ACSL1: variants seen among roughly 807,000 people sequenced by gnomAD.
ACSL1 encodes acyl-CoA synthetase long chain family member 1, also known as long-chain-fatty-acid--CoA ligase 1.
ACSL1 carries 41 observed loss-of-function variants against 98.4 expected under a neutral mutation model. That is an observed-to-expected ratio of 0.42 (90% CI 0.32 to 0.54). The LOEUF is 0.54. Ranked by LOEUF, ACSL1 falls within the 20% of genes least tolerant of loss-of-function variation. The probability of loss-of-function intolerance (pLI) is 0.13; values close to 1 mark genes in which losing one functional copy is unlikely to be tolerated. For synonymous variants in ACSL1, 316 were observed against 322.7 expected (o/e 0.98, Z 0.22); for missense variants, 734 against 883.1 (o/e 0.83, Z 2.14).
At chr4:184,759,524 G>A (rs1305887233) in intron 18 of ACSL1, among the ~76,000 whole-genome samples, 1 of 152,116 alleles carries the variant, frequency 6.6e-6, no homozygotes, top group Admixed American at 6.5e-5. Context: ...GTGGGTAGAG[G>A]ATATGAACAG....
intron 18 of ACSL1, 48 bp downstream of exon 18, chr4:184,760,309 C>A: frequency 6.2e-7 from 1 of 1,601,084 alleles, no homozygotes; most frequent in Non-Finnish European, 8.5e-7. Context: ...GAGTACCAGG[C>A]AATGGCAATG....
rs962832350 is a variant in ACSL1, at chr4:184,766,380, G to T, written c.1263+242C>A. Among the ~76,000 whole-genome samples, 26 of 152,176 alleles carry T rather than the reference G, an allele frequency of 1.7e-4. No individual in the cohort carries two copies. Among genetic ancestry groups the T allele is most frequent in the Admixed American group, 1.6e-3 (24 of 15,280 alleles). On this transcript the variant is annotated intron_variant, in intron 13 of 20. Coordinates refer to ENST00000281455, the MANE Select transcript of ACSL1 (RefSeq NM_001995.5). This position sits in a 1 kb window ranked among gnomAD's most constrained non-coding sequence, Gnocchi z 4.8. Reference sequence around the variant, plus strand: ...TTCCGGAAAAACGCAACAAAATGGAGAATGAGAAAGGCTCCACTACCCTGA... The same window carrying T: ...TTCCGGAAAAACGCAACAAAATGGATAATGAGAAAGGCTCCACTACCCTGA...
At chr4:184,815,162 CGAGGGAGGGCTGTCCAGAGAGCT>C in intron 1 of ACSL1, 1 of 453,974 alleles carries the variant, frequency 2.2e-6, no homozygotes. Flanking sequence ...ACCAGGCATC[CGAGGGAGGGCTGTCCAGAGAGCT>C]GAGGGTGGAA....
In ACSL1 at chr4:184,776,989, C is replaced by A. The variant is rs746341288; in HGVS notation, c.478-6G>T. Reference sequence around the variant, plus strand: ...CCTTGTTCAATAATCACCCACTAAACAAACAGTAAAGGTCAGGGAGAGAAA... The same window carrying A: ...CCTTGTTCAATAATCACCCACTAAAAAAACAGTAAAGGTCAGGGAGAGAAA... On this transcript the variant is annotated splice_polypyrimidine_tract_variant and splice_region_variant and intron_variant, in intron 5 of 20. Coordinates refer to ENST00000281455, the MANE Select transcript of ACSL1 (RefSeq NM_001995.5). 3 of 1,613,262 alleles carry A rather than the reference C, an allele frequency of 1.9e-6. No individual in the cohort carries two copies. The highest frequency in any genetic ancestry group is 3.3e-5 in the Admixed American group (2 of 59,992).
At chr4:184,779,976 G>A (rs561077792) in intron 5 of ACSL1, among the ~76,000 whole-genome samples, 16 of 151,832 alleles carry the variant, frequency 1.1e-4, no homozygotes, top group African/African-American at 3.9e-4. Flanking sequence ...GGATTCAAGC[G>A]ATTCTCCTGC....
intron 11 of ACSL1, among the ~76,000 whole-genome samples, chr4:184,769,723 C>A (rs1352851172): frequency 6.6e-6 from 1 of 152,204 alleles, no homozygotes. Context: ...GCAGAGGGCA[C>A]ACAGCTAGAG....
At chr4:184,824,079 A>G (rs187373414) in intron 1 of ACSL1, among the ~76,000 whole-genome samples, 8 of 152,326 alleles carry the variant, frequency 5.3e-5, no homozygotes, top group Non-Finnish European at 1.2e-4. Context: ...CAACAGAGAC[A>G]GGAAGGAAAT....
At chr4:184,783,365 C>A (rs1766654535) in intron 4 of ACSL1, among the ~76,000 whole-genome samples, 1 of 152,168 alleles carries the variant, frequency 6.6e-6, no homozygotes, top group Non-Finnish European at 1.5e-5. Context: ...GTGTTCCTCC[C>A]TACAGCTGCC....
chr4:184,766,634 G>A lies in ACSL1; in HGVS notation c.1251C>T (p.Phe417=). The change falls in exon 13 of 21, where the codon TTC becomes TTT. Residue 417 remains phenylalanine (F), a synonymous_variant. Transcript: ENST00000281455. The surrounding 1 kb of genome is among the most constrained non-coding windows in gnomAD (Gnocchi z 4.8). ...AGTCACGTGTTACCTGTACTTTGTG[G>A]AAGATCAGCCGGTCCCACAGGCTGT... ...RNNSLWDRLI[F]HKVQSSLGGR... 1.2e-6 allele frequency: 2 copies of A among 1,613,926 alleles called. No individual in the cohort carries two copies. Among genetic ancestry groups the A allele is most frequent in the East Asian group, 2.2e-5 (1 of 44,900 alleles).
At chr4:184,811,233 G>A (rs146676580) in intron 1 of ACSL1, among the ~76,000 whole-genome samples, 2 of 151,918 alleles carry the variant, frequency 1.3e-5, no homozygotes, top group African/African-American at 4.8e-5. Context: ...CTCAGCCTCC[G>A]GAGTAGCTGG....
chr4:184,763,477 T>G (rs1432743991), intron 15 of ACSL1, among the ~76,000 whole-genome samples: 1 of 152,232 alleles, frequency 6.6e-6, no homozygotes, highest in East Asian at 1.9e-4. Flanking sequence ...CCAAGTGTGA[T>G]GCTCTGAGTT....
intron 4 of ACSL1, among the ~76,000 whole-genome samples, chr4:184,783,332 A>G (rs1766647243): frequency 6.6e-6 from 1 of 152,214 alleles, no homozygotes; most frequent in South Asian, 2.1e-4. Context: ...ATACAGTAAC[A>G]CAAGTGCCTT....
intron 1 of ACSL1, chr4:184,808,637 G>T: frequency 3.0e-6 from 1 of 332,160 alleles, no homozygotes; most frequent in Non-Finnish European, 4.3e-6. Context: ...GCTTCAGGGA[G>T]GAACAAGAGA....
chr4:184,763,086 T>C lies in ACSL1; in HGVS notation c.1521+81A>G. On this transcript the variant is annotated intron_variant, in intron 16 of 20. Transcript: ENST00000281455. ...AAGTTCAATGGCTTTATTGAGCTGT[T>C]GGGAAATACCACAGCATTCGCAAAG... 5 of 1,418,678 alleles carry C rather than the reference T, an allele frequency of 3.5e-6. No homozygotes were observed. The South Asian group carries it at 6.1e-5, about 17-fold the overall frequency. 87.9% of individuals were successfully genotyped at this position (1,418,678 alleles called of 1,614,324 possible). A position where few individuals can be genotyped will look rare whatever the true frequency, so the allele number is the denominator to read the frequency against.
intron 1 of ACSL1, among the ~76,000 whole-genome samples, chr4:184,821,863 G>A (rs959613915): frequency 2.0e-5 from 3 of 152,142 alleles, no homozygotes; most frequent in Non-Finnish European, 4.4e-5. Context: ...AACAATGTAT[G>A]CTTAAAATTT....
chr4:184,801,766 C>T lies in ACSL1; in HGVS notation c.195+1554G>A, dbSNP rs74447507. On this transcript the variant is annotated intron_variant, in intron 2 of 20. Coordinates refer to ENST00000281455, the MANE Select transcript of ACSL1 (RefSeq NM_001995.5). ...GCAGTAAAATTATAGATTTTCATTTCTTGCTGCATATCTCAAGTTTTAAAC... is the reference window on the plus strand; with the variant it reads ...GCAGTAAAATTATAGATTTTCATTTTTTGCTGCATATCTCAAGTTTTAAAC... Among the ~76,000 whole-genome samples, 145 of 152,288 alleles carry T rather than the reference C, an allele frequency of 9.5e-4. 3 individuals carry two copies. The East Asian group carries it at 0.026, about 27-fold the overall frequency.
intron 11 of ACSL1, chr4:184,770,140 T>C: frequency 1.0e-6 from 1 of 974,016 alleles, no homozygotes; most frequent in Non-Finnish European, 1.5e-6. Flanking sequence ...AATTCCAGTA[T>C]CCTGTTCATA....
intron 3 of ACSL1, among the ~76,000 whole-genome samples, chr4:184,786,428 A>ACACACACACACG (rs1561211006): frequency 2.5e-4 from 31 of 124,250 alleles, no homozygotes; most frequent in African/African-American, 2.3e-4. Context: ...GCACACACAC[A>ACACACACACACG]CACACACACA....
intron 3 of ACSL1, among the ~76,000 whole-genome samples, chr4:184,786,006 G>A (rs1302611094): frequency 6.6e-6 from 1 of 152,112 alleles, no homozygotes; most frequent in Non-Finnish European, 1.5e-5. Flanking sequence ...TGGGTGAGCG[G>A]AGTGAGTGTG....
Sources: allele counts gnomAD v4.1 joint callset (sites outside exome capture counted in the v4.1 genomes callset), GRCh38; gene constraint gnomAD v4.1.1; non-coding constraint Gnocchi (gnomAD v3.1); transcripts MANE v1.5; gene names NCBI Gene and HGNC (gene_info 2026-07-23, HGNC 2026-07-21).